BRD8: variants seen among roughly 807,000 people sequenced by gnomAD.
BRD8 encodes bromodomain-containing protein 8.
Under a neutral mutation model 143.1 loss-of-function variants are expected in BRD8, and 67 were observed. The observed-to-expected ratio is 0.47, with a 90% confidence interval of 0.38 to 0.57. The LOEUF (loss-of-function observed/expected upper bound fraction) is 0.57, where lower values mean the gene tolerates loss of function less well. Ranked by LOEUF, BRD8 falls within the 20% of genes least tolerant of loss-of-function variation. The probability of loss-of-function intolerance (pLI) is 0.00; values close to 1 mark genes in which losing one functional copy is unlikely to be tolerated. For synonymous variants in BRD8, 505 were observed against 517.1 expected (o/e 0.98, Z 0.32); for missense variants, 1,103 against 1,503.0 (o/e 0.73, Z 4.40).
chr5:138,175,563 A>AG (rs1461164749), intron 2 of BRD8, among the ~76,000 whole-genome samples: 1 of 151,846 alleles, frequency 6.6e-6, no homozygotes, highest in Non-Finnish European at 1.5e-5. Context: ...AAATTAGTCA[A>AG]GCATGGTGGC....
chr5:138,149,765 G>C lies in BRD8; in HGVS notation c.3153C>G (p.Asp1051Glu). ...TCTCTGACACATATACTTCACCCTG[G>C]TCCTCCCCTTTGGATTCTTGCTGAG... is the stretch of plus-strand genomic sequence containing the variant. ...GEAQQESKGEDQGEVYVSEME... is the reference protein window; with the variant it reads ...GEAQQESKGEEQGEVYVSEME... Residue 1051 changes from aspartate to glutamate, a missense_variant, in exon 23 of 27, where the codon GAC becomes GAG. Transcript: ENST00000254900. 1 of 1,610,742 alleles carries C rather than the reference G, an allele frequency of 6.2e-7. No individual in the cohort carries two copies. Among genetic ancestry groups the C allele is most frequent in the Non-Finnish European group, 8.5e-7 (1 of 1,179,060 alleles).
At chr5:138,141,944 T>C (rs1425558429) in intron 25 of BRD8, among the ~76,000 whole-genome samples, 1 of 151,370 alleles carries the variant, frequency 6.6e-6, no homozygotes. Context: ...CCTAAAGAAG[T>C]TTGTCTCTGC....
chr5:138,161,066 G>A lies in BRD8; in HGVS notation c.2252C>T (p.Pro751Leu). 6.2e-7 allele frequency: 1 copy of A among 1,605,554 alleles called. No individual in the cohort carries two copies. The highest frequency in any genetic ancestry group is 1.7e-5 in the Admixed American group (1 of 58,408). ...APGYHSIVQR[P>L]MDLSTIKKNI... ...TTTCTTAATAGTTGACAAATCCATAGGCCTAAAAAAAAAGAACAGGGGTAA... is the reference window on the plus strand; with the variant it reads ...TTTCTTAATAGTTGACAAATCCATAAGCCTAAAAAAAAAGAACAGGGGTAA... Residue 751 changes from proline (P) to leucine (L), a missense_variant and splice_region_variant, in exon 18 of 27, where the codon CCT (proline) becomes CTT (leucine). Around this residue, in one of 7 missense-constraint regions of BRD8, gnomAD observed 64 missense variants for 211.3 expected, o/e 0.30. Transcript: ENST00000254900.
At chr5:138,171,978 G>A in intron 3 of BRD8, 87 bp downstream of exon 3, 1 of 970,746 alleles carries the variant, frequency 1.0e-6, no homozygotes, top group Non-Finnish European at 1.6e-6. Context: ...TGGTATAAAA[G>A]CTTTGTAACT....
chr5:138,175,595 C>G (rs1195069548), intron 2 of BRD8, among the ~76,000 whole-genome samples: 2 of 151,290 alleles, frequency 1.3e-5, no homozygotes, highest in African/African-American at 4.9e-5. Context: ...TTCCCAACTA[C>G]TCAGGATGCT....
intron 23 of BRD8, among the ~76,000 whole-genome samples, chr5:138,148,371 T>C (rs1383214595): frequency 6.6e-6 from 1 of 152,090 alleles, no homozygotes; most frequent in Non-Finnish European, 1.5e-5. Context: ...TTCTCTTTTA[T>C]TTCTTGTTTT....
chr5:138,142,836 T>C (rs1751967149), intron 25 of BRD8, among the ~76,000 whole-genome samples: 1 of 148,710 alleles, frequency 6.7e-6, no homozygotes, highest in African/African-American at 2.5e-5. Context: ...AAGGCTGAGG[T>C]GGGAGGATTG....
chr5:138,163,328 T>C lies in BRD8; in HGVS notation c.1889A>G (p.Asp630Gly), dbSNP rs1753151621. ...TTCACTGACACCATCTTCCTCCTCA[T>C]CCTCACCTGGGGCATCCTTAGATAC... is the stretch of plus-strand genomic sequence containing the variant. ...GSQIKDAPGE[D>G]EEEDGVSEAA... Residue 630 changes from aspartate to glycine, a missense_variant, in exon 15 of 27, where the codon GAT (aspartate) becomes GGT (glycine). Around this residue, in one of 7 missense-constraint regions of BRD8, gnomAD observed 75 missense variants for 111.7 expected, o/e 0.67. Transcript: ENST00000254900. 6.2e-7 allele frequency: 1 copy of C among 1,614,074 alleles called. No individual in the cohort carries two copies. Among genetic ancestry groups the C allele is most frequent in the Non-Finnish European group, 8.5e-7 (1 of 1,179,988 alleles).
intron 2 of BRD8, among the ~76,000 whole-genome samples, chr5:138,175,392 G>C (rs1754237864): frequency 6.6e-6 from 1 of 152,084 alleles, no homozygotes; most frequent in Admixed American, 6.6e-5. Flanking sequence ...AAAGAAAGGG[G>C]GTGAGGGGCT....
intron 1 of BRD8, 57 bp from the exon 2 acceptor site, chr5:138,177,724 T>G: frequency 9.3e-7 from 1 of 1,070,676 alleles, no homozygotes; most frequent in Non-Finnish European, 1.4e-6. Flanking sequence ...ACTGTAGTGC[T>G]AAGCTCCAAA....
intron 2 of BRD8, among the ~76,000 whole-genome samples, chr5:138,173,537 G>A (rs1240114146): frequency 1.3e-5 from 2 of 151,918 alleles, no homozygotes; most frequent in African/African-American, 2.4e-5. Context: ...TATATGTGAT[G>A]TGTATACACA....
intron 10 of BRD8, 160 bp from the exon 11 acceptor site, chr5:138,166,268 C>T: frequency 1.5e-6 from 1 of 647,654 alleles, no homozygotes; most frequent in East Asian, 2.7e-5. Flanking sequence ...CCAGTTTTAT[C>T]TAGAAAGGTG....
At chr5:138,143,332 A>G (rs1751989461) in intron 25 of BRD8, among the ~76,000 whole-genome samples, 1 of 152,120 alleles carries the variant, frequency 6.6e-6, no homozygotes, top group African/African-American at 2.4e-5. Context: ...TTTAAAAATT[A>G]GCTAAGTGCA....
At chr5:138,157,134 T>C (rs1421798120) in intron 20 of BRD8, 1 of 1,600,270 alleles carries the variant, frequency 6.2e-7, no homozygotes, top group African/African-American at 1.3e-5. Flanking sequence ...CCTCTGGAAC[T>C]GGGCCCGCAA....
At chr5:138,174,889 GT>G (rs1168055000) in intron 2 of BRD8, among the ~76,000 whole-genome samples, 136 of 137,386 alleles carry the variant, frequency 9.9e-4, no homozygotes, top group Admixed American at 1.8e-3. Context: ...ATAAACTCAA[GT>G]TTTTTTTTTT....
chr5:138,170,390 C>T lies in BRD8; in HGVS notation c.460G>A (p.Glu154Lys). ...DIATKKKLEE[E>K]EAEVKRKATD... ...GCCTTCCTCTTTACTTCAGCCTCCT[C>T]TTCTTCCAATTTCTTTTTCCTAAAC... The change falls in exon 7 of 27, where the codon GAG becomes AAG. Residue 154 changes from glutamate (E) to lysine (K), a missense_variant. Glu to Lys is a moderately conservative substitution (Grantham distance 56). Transcript: ENST00000254900. 2 of 1,614,150 alleles carry T rather than the reference C, an allele frequency of 1.2e-6. No homozygotes were observed. The highest frequency in any genetic ancestry group is 2.2e-5 in the East Asian group (1 of 44,884).
intron 6 of BRD8, 148 bp downstream of exon 6, chr5:138,170,684 C>T (rs1753793152): frequency 1.3e-6 from 1 of 786,580 alleles, no homozygotes; most frequent in South Asian, 1.6e-5. Context: ...CTCCCCCCTC[C>T]CAGCCACCAA....
chr5:138,146,841 G>T (rs1752171711), intron 23 of BRD8, among the ~76,000 whole-genome samples: 3 of 151,306 alleles, frequency 2.0e-5, no homozygotes, highest in Admixed American at 6.6e-5. Flanking sequence ...GTGGTGGCGG[G>T]TGCCTGTAGT....
intron 12 of BRD8, 129 bp from the exon 13 acceptor site, chr5:138,164,542 G>A: frequency 8.9e-7 from 1 of 1,121,592 alleles, no homozygotes; most frequent in Non-Finnish European, 1.3e-6. Flanking sequence ...TGACTCCAAT[G>A]GTCACCTTAA....
Sources: gnomAD v4.1 joint callset for allele counts (sites outside exome capture counted in the v4.1 genomes callset) on GRCh38, gnomAD v4.1.1 for gene constraint, gnomAD v4.1.1 regional missense constraint, MANE v1.5 for transcripts, NCBI Gene and HGNC (gene_info 2026-07-23, HGNC 2026-07-21) for gene names.